Variants in CARD19 observed in about 807,000 individuals in gnomAD.
The protein encoded by CARD19 is caspase recruitment domain family member 19.
In CARD19, 25 loss-of-function variants were observed where a neutral mutation model predicts 24.1. That is an observed-to-expected ratio of 1.04 (90% CI 0.76 to 1.45). The LOEUF is 1.45. CARD19 is among the 40% of genes most tolerant of loss of function. CARD19 has a pLI of 0.00. For missense variants in CARD19, 241 were observed against 247.4 expected (o/e 0.97, Z 0.17); for synonymous variants, 103 against 104.9 (o/e 0.98, Z 0.11).
intron 2 of CARD19, 96 bp downstream of exon 2, chr9:93,107,912 C>A: frequency 7.0e-7 from 1 of 1,437,096 alleles, no homozygotes; most frequent in East Asian, 2.3e-5. Context: ...GTCATTCTCT[C>A]ATGGGATGAC....
At position 93,106,577 on chromosome 9, in the gene CARD19, C is replaced by CAAA. The variant is rs58551380; in HGVS notation, c.8-1086_8-1084dup. On this transcript the variant is annotated intron_variant, in intron 1 of 5. Transcript: ENST00000375464. Reference sequence around the variant, plus strand: ...AGCAAGACTCTATCTCAAAAAAAAACAAAAAAAAAAAAACAAAGTTTAACC... The same window carrying CAAA: ...AGCAAGACTCTATCTCAAAAAAAAACAAAAAAAAAAAAAAAACAAAGTTTAACC... Among the ~76,000 whole-genome samples the CAAA allele has an allele frequency of 5.2e-3, 699 of 135,120 alleles. 1 individual carries two copies. The highest frequency in any genetic ancestry group is 0.016 in the African/African-American group (608 of 37,362). The allele number at this position is 135,120 out of a possible 152,430, so 88.6% of individuals were successfully genotyped here.
chr9:93,102,522 C>T (rs1482672370), intron 1 of CARD19, among the ~76,000 whole-genome samples: 1 of 151,874 alleles, frequency 6.6e-6, no homozygotes, highest in Non-Finnish European at 1.5e-5. Flanking sequence ...GGGTTTAATT[C>T]TAGACTCTCT....
chr9:93,105,212 G>A (rs2119081898), intron 1 of CARD19, among the ~76,000 whole-genome samples: 1 of 151,930 alleles, frequency 6.6e-6, no homozygotes, highest in South Asian at 2.1e-4. Flanking sequence ...GTGTGTGTGT[G>A]TGTGTGTGTT....
At position 93,096,644 on chromosome 9, in the gene CARD19, G is replaced by A. The variant is rs1826873745; in HGVS notation, c.7+292G>A. On this transcript the variant is annotated intron_variant, in intron 1 of 5. Transcript: ENST00000375464. This position sits in a 1 kb window ranked among gnomAD's most constrained non-coding sequence, Gnocchi z 5.4. ...GGGGCTACAAGGCAGCTCCAGGGTG[G>A]GGCTGCACAGCCGCGGTCTGGGCTC... Among the ~76,000 whole-genome samples the A allele has an allele frequency of 1.3e-5, 2 of 152,230 alleles. No individual in the cohort carries two copies. The highest frequency in any genetic ancestry group is 1.3e-4 in the Admixed American group (2 of 15,292).
intron 1 of CARD19, among the ~76,000 whole-genome samples, chr9:93,101,003 CTT>C (rs1246794554): frequency 2.0e-5 from 3 of 152,190 alleles, no homozygotes; most frequent in African/African-American, 7.2e-5. Flanking sequence ...CTATTTCCAT[CTT>C]TTGGCTATTT....
At chr9:93,111,489 C>T in intron 3 of CARD19, 1 of 1,094,104 alleles carries the variant, frequency 9.1e-7, no homozygotes. Flanking sequence ...CCCCTGGAGG[C>T]CTCCCCACGC....
chr9:93,110,915 A>G (rs1339920327), intron 3 of CARD19, 194 bp downstream of exon 3: 1 of 1,532,924 alleles, frequency 6.5e-7, no homozygotes, highest in Admixed American at 2.0e-5. Flanking sequence ...AGGCACAGGC[A>G]GTGCAGATGT....
At chr9:93,107,267 A>G (rs4743886) in intron 1 of CARD19, among the ~76,000 whole-genome samples, 146,721 of 152,320 alleles carry the variant, frequency 0.96, 70,719 homozygotes, top group African/African-American at 0.99. Context: ...GTGAGCCATC[A>G]CAACTGGTCT....
At position 93,110,655 on chromosome 9, in the gene CARD19, T is replaced by A. The variant is rs750166060; in HGVS notation, c.238T>A (p.Phe80Ile). Residue 80 changes from phenylalanine to isoleucine, a missense_variant, in exon 3 of 6, where the codon TTC (phenylalanine) becomes ATC (isoleucine). Phe to Ile is a conservative substitution (Grantham distance 21). Coordinates refer to ENST00000375464, the MANE Select transcript of CARD19 (RefSeq NM_032310.5). ...GAGCGGTGAGCGGGACTGCCAGGAG[T>A]TCTACCGAGCCCTGTATATCCATGC... Reference protein sequence around the residue: ...QRSGERDCQEFYRALYIHAQP... With the variant: ...QRSGERDCQEIYRALYIHAQP... 2 of 1,613,626 alleles carry A rather than the reference T, an allele frequency of 1.2e-6. No individual in the cohort carries two copies. The highest frequency in any genetic ancestry group is 2.2e-5 in the South Asian group (2 of 91,076).
chr9:93,096,575 C>T lies in CARD19; in HGVS notation c.7+223C>T, dbSNP rs575906185. ...GGGGCCGTGCCAGCCGAGGCGGTGC[C>T]GGGCATGATGGGTGGTGGCCAGGTG... On this transcript the variant is annotated intron_variant, in intron 1 of 5. Transcript: ENST00000375464. This position sits in a 1 kb window ranked among gnomAD's most constrained non-coding sequence, Gnocchi z 5.4. Among the ~76,000 whole-genome samples the T allele has an allele frequency of 2.0e-3, 309 of 152,058 alleles. 1 individual carries two copies. The highest frequency in any genetic ancestry group is 3.1e-3 in the Non-Finnish European group (208 of 67,972).
At chr9:93,099,522 C>T (rs1409222370) in intron 1 of CARD19, among the ~76,000 whole-genome samples, 3 of 152,126 alleles carry the variant, frequency 2.0e-5, no homozygotes, top group East Asian at 1.9e-4. Context: ...GGTGGTTGTC[C>T]TTATGTTGCA....
At chr9:93,112,135 C>T (rs1053998325) in intron 4 of CARD19, 83 bp from the exon 5 acceptor site, 3 of 1,421,950 alleles carry the variant, frequency 2.1e-6, no homozygotes, top group Non-Finnish European at 2.9e-6. Context: ...CTGGCACCCC[C>T]ACTCCCCTGC....
chr9:93,103,151 C>A (rs1209174757), intron 1 of CARD19, among the ~76,000 whole-genome samples: 1 of 152,140 alleles, frequency 6.6e-6, no homozygotes, highest in Middle Eastern at 3.2e-3. Context: ...CTAGTTAGGA[C>A]TGCTAGTACT....
chr9:93,103,377 C>T (rs537319859), intron 1 of CARD19, among the ~76,000 whole-genome samples: 1 of 152,324 alleles, frequency 6.6e-6, no homozygotes, highest in African/African-American at 2.4e-5. Flanking sequence ...TGCACCTATA[C>T]ACATCCTTCC....
At chr9:93,102,655 T>G (rs1168668588) in intron 1 of CARD19, among the ~76,000 whole-genome samples, 12 of 150,144 alleles carry the variant, frequency 8.0e-5, no homozygotes, top group African/African-American at 1.9e-4. Flanking sequence ...TGTTGTTGTT[T>G]TTTTTTTTTT....
chr9:93,111,482 C>T, intron 3 of CARD19: 3 of 1,090,426 alleles, frequency 2.8e-6, no homozygotes, highest in Non-Finnish European at 3.4e-6. Flanking sequence ...CTCTGACCCC[C>T]TGGAGGCCTC....
In CARD19 at chr9:93,113,059, C is replaced by T. The variant is rs1442687035; in HGVS notation, c.504C>T (p.Val168=). 3 of 1,603,888 alleles carry T rather than the reference C, an allele frequency of 1.9e-6. No individual in the cohort carries two copies. The highest frequency in any genetic ancestry group is 2.2e-5 in the South Asian group (2 of 89,256). ...CGCCTGTCATCATCGACAGACATGT[C>T]AGCCGCTACCTGCTGGCCTTCCTGG... is the stretch of plus-strand genomic sequence containing the variant. The part of the protein sequence containing the change: ...GFSPVIIDRH[V]SRYLLAFLAD... Residue 168 remains valine (V), a synonymous_variant, in exon 6 of 6, where the codon GTC becomes GTT. Transcript: ENST00000375464.
intron 1 of CARD19, among the ~76,000 whole-genome samples, chr9:93,101,137 G>A (rs964319856): frequency 1.3e-5 from 2 of 152,194 alleles, no homozygotes; most frequent in Admixed American, 1.3e-4. Context: ...GAGTACAGTG[G>A]TGTGATCTTG....
chr9:93,105,196 G>A (rs1827210220), intron 1 of CARD19, among the ~76,000 whole-genome samples: 2 of 22,398 alleles, frequency 8.9e-5, no homozygotes, highest in South Asian at 1.6e-3. Context: ...GTGTGTGTGT[G>A]CGTGTGTGTG....
Sources: allele counts gnomAD v4.1 joint callset (sites outside exome capture counted in the v4.1 genomes callset), GRCh38; gene constraint gnomAD v4.1.1; non-coding constraint Gnocchi (gnomAD v3.1); transcripts MANE v1.5; gene names NCBI Gene and HGNC (gene_info 2026-07-23, HGNC 2026-07-21).